The following SLC35D2 variants were observed in gnomAD, a reference collection of about 807,000 sequenced individuals.
SLC35D2 encodes the protein solute carrier family 35 member D2.
Under a neutral mutation model 41.8 loss-of-function variants are expected in SLC35D2, and 43 were observed. The ratio of observed to expected loss-of-function variants is 1.03; its 90% CI spans 0.81 to 1.33. The LOEUF (loss-of-function observed/expected upper bound fraction) is 1.33, where lower values mean the gene tolerates loss of function less well. SLC35D2 is among the 40% of genes most tolerant of loss of function. The pLI is 0.00. For missense variants in SLC35D2, 380 were observed against 408.4 expected, an observed-to-expected ratio of 0.93 and a Z score of 0.60; for synonymous variants, 150 against 163.9, an observed-to-expected ratio of 0.92 and a Z score of 0.65.
At position 96,345,137 on chromosome 9, in the gene SLC35D2, G is replaced by A. The variant is rs180804266; in HGVS notation, c.591+162C>T. 2.6e-3 allele frequency among the ~76,000 whole-genome samples: 400 copies of A among 151,944 alleles called. 2 individuals carry two copies. The highest frequency in any genetic ancestry group is 4.2e-3 in the Admixed American group (64 of 15,258). On this transcript the variant is annotated intron_variant, in intron 7 of 11. Transcript: ENST00000253270. ...ATATCTCATTTTCACCCAAAATTTCGCAAATAATAACTTATACAGACAAGA... is the reference window on the plus strand; with the variant it reads ...ATATCTCATTTTCACCCAAAATTTCACAAATAATAACTTATACAGACAAGA...
intron 8 of SLC35D2, among the ~76,000 whole-genome samples, chr9:96,343,065 C>T (rs1829408600): frequency 1.3e-5 from 2 of 152,204 alleles, no homozygotes; most frequent in African/African-American, 4.8e-5. Flanking sequence ...CATCGCATCT[C>T]GTTTCTCACA....
intron 3 of SLC35D2, 134 bp from the exon 4 acceptor site, chr9:96,360,355 G>A: frequency 2.8e-6 from 2 of 716,590 alleles, no homozygotes; most frequent in Non-Finnish European, 2.3e-6. Flanking sequence ...TTTTGGCGGG[G>A]CGCAGTGGCT....
intron 1 of SLC35D2, among the ~76,000 whole-genome samples, chr9:96,372,666 C>T (rs1227304952): frequency 7.1e-6 from 1 of 140,318 alleles, no homozygotes; most frequent in Non-Finnish European, 1.5e-5. Flanking sequence ...CTCACTGCAA[C>T]CTTCGCCTCC....
intron 3 of SLC35D2, among the ~76,000 whole-genome samples, chr9:96,362,269 A>G (rs1371105329): frequency 6.6e-6 from 1 of 152,218 alleles, no homozygotes; most frequent in Non-Finnish European, 1.5e-5. Flanking sequence ...GCACTTTGGG[A>G]GGCCAAGGCG....
At chr9:96,356,266 C>T (rs530624087) in intron 4 of SLC35D2, among the ~76,000 whole-genome samples, 13 of 152,290 alleles carry the variant, frequency 8.5e-5, no homozygotes, top group East Asian at 1.9e-4. Flanking sequence ...GTGAAGCACA[C>T]GAACCTTTTT....
intron 9 of SLC35D2, among the ~76,000 whole-genome samples, chr9:96,335,167 G>C (rs886767908): frequency 1.3e-5 from 2 of 152,180 alleles, no homozygotes; most frequent in Admixed American, 1.3e-4. Context: ...AAAATCATTT[G>C]ATGAGTAATT....
intron 6 of SLC35D2, among the ~76,000 whole-genome samples, chr9:96,348,885 G>C (rs1482124857): frequency 2.6e-5 from 4 of 152,190 alleles, no homozygotes; most frequent in Non-Finnish European, 4.4e-5. Flanking sequence ...GGTAACTGAA[G>C]GGCCATTCCT....
chr9:96,358,342 G>C lies in SLC35D2; in HGVS notation c.347+1812C>G, dbSNP rs149229481. On this transcript the variant is annotated intron_variant, in intron 4 of 11. Coordinates refer to ENST00000253270, the MANE Select transcript of SLC35D2 (RefSeq NM_007001.3). ...AGCATTTGGGTAATCTTGGTTTGAT[G>C]ATGAGTTTCAAATTCAAAACCAGAA... Among the ~76,000 whole-genome samples, 1,342 of 151,766 alleles carry C rather than the reference G, an allele frequency of 8.8e-3. 12 individuals are homozygous for C. Among genetic ancestry groups the C allele is most frequent in the Middle Eastern group, 0.027 (8 of 294 alleles).
intron 3 of SLC35D2, 25 bp from the exon 4 acceptor site, chr9:96,360,246 A>G (rs1319623601): frequency 3.8e-6 from 6 of 1,570,776 alleles, no homozygotes; most frequent in Non-Finnish European, 4.4e-6. Context: ...AAAAGAAGAA[A>G]TATTTGGTTA....
At chr9:96,332,080 G>A (rs748437236) in intron 9 of SLC35D2, among the ~76,000 whole-genome samples, 17 of 151,938 alleles carry the variant, frequency 1.1e-4, no homozygotes, top group African/African-American at 3.1e-4. Context: ...CCATTCTGTC[G>A]GCTTCTTAAC....
chr9:96,336,628 T>C, intron 9 of SLC35D2, 89 bp downstream of exon 9: 2 of 819,790 alleles, frequency 2.4e-6, no homozygotes, highest in Non-Finnish European at 2.0e-6. Context: ...CACAAAGGAA[T>C]TCTGACAGAA....
chr9:96,342,992 C>A (rs2130905005), intron 8 of SLC35D2, among the ~76,000 whole-genome samples: 1 of 152,370 alleles, frequency 6.6e-6, no homozygotes, highest in East Asian at 1.9e-4. Flanking sequence ...TATCGCCTGG[C>A]TGGTCAGGGC....
intron 4 of SLC35D2, among the ~76,000 whole-genome samples, chr9:96,353,346 T>TATTTATTC (rs1243237753): frequency 3.3e-5 from 5 of 150,854 alleles, no homozygotes; most frequent in Admixed American, 2.0e-4. Context: ...TGCAAAGGAT[T>TATTTATTC]ATTTATTTAT....
chr9:96,337,819 G>A (rs1462870013), intron 8 of SLC35D2, among the ~76,000 whole-genome samples: 6 of 150,978 alleles, frequency 4.0e-5, no homozygotes, highest in Non-Finnish European at 5.9e-5. Flanking sequence ...CTATCTCTAC[G>A]AAAAATACAA....
intron 1 of SLC35D2, among the ~76,000 whole-genome samples, chr9:96,375,652 A>G (rs939543498): frequency 2.0e-5 from 3 of 152,098 alleles, no homozygotes; most frequent in African/African-American, 7.2e-5. Context: ...TGTATCCCCA[A>G]TGTTTTAACT....
Position 96,345,842 on chromosome 9 carries a change from C to T in SLC35D2, c.489-441G>A, listed in dbSNP as rs1165523493. 4.6e-5 allele frequency among the ~76,000 whole-genome samples: 7 copies of T among 152,316 alleles called. No individual in the cohort carries two copies. The East Asian group carries it at 1.4e-3, about 29-fold the overall frequency. ...GAGGGGTCGCATGAGGCAGCCACAC[C>T]TCCATCTGGTGCCCAAACCGCACCC... On this transcript the variant is annotated intron_variant, in intron 6 of 11. Transcript: ENST00000253270.
At chr9:96,333,442 C>T (rs1482558085) in intron 9 of SLC35D2, among the ~76,000 whole-genome samples, 1 of 150,806 alleles carries the variant, frequency 6.6e-6, no homozygotes, top group Non-Finnish European at 1.5e-5. Flanking sequence ...TAAAAAAATA[C>T]AAAAAAATTA....
chr9:96,338,932 G>A (rs1169014628), intron 8 of SLC35D2, among the ~76,000 whole-genome samples: 1 of 152,104 alleles, frequency 6.6e-6, no homozygotes, highest in African/African-American at 2.4e-5. Flanking sequence ...TTCAAACCAA[G>A]GGTAGAAAAA....
rs562587796 is a variant in SLC35D2, at chr9:96,344,114, C to A, written c.592-118G>T. The A allele has an allele frequency of 1.1e-3, 662 of 586,290 alleles. 8 individuals are homozygous for A. The African/African-American group carries it at 0.012, about 10-fold the overall frequency. 36.3% of individuals were successfully genotyped at this position (586,290 alleles called of 1,614,324 possible). On this transcript the variant is annotated intron_variant, in intron 7 of 11. Coordinates refer to ENST00000253270, the MANE Select transcript of SLC35D2 (RefSeq NM_007001.3). The stretch of plus-strand genomic sequence containing the variant: ...GTTAGAATGTGCATTCTGAGCAACT[C>A]TTTTGGAATATTTTCAGCAAATTTC...
Sources: gnomAD v4.1 joint callset for allele counts (sites outside exome capture counted in the v4.1 genomes callset) on GRCh38, gnomAD v4.1.1 for gene constraint, MANE v1.5 for transcripts, NCBI Gene and HGNC (gene_info 2026-07-23, HGNC 2026-07-21) for gene names.